The following DACH2 variants were observed in gnomAD, a reference collection of about 807,000 sequenced individuals.
DACH2 encodes the protein dachshund family transcription factor 2, also known as dachshund homolog 2.
In DACH2, 17 loss-of-function variants were observed where a neutral mutation model predicts 35.8. The ratio of observed to expected loss-of-function variants is 0.48; its 90% CI spans 0.33 to 0.71. DACH2 has a LOEUF of 0.71. DACH2 is among the 30% of genes least tolerant of loss of function. The pLI is 0.02. For missense variants in DACH2, 469 were observed against 472.7 expected, an observed-to-expected ratio of 0.99 and a Z score of 0.07; for synonymous variants, 195 against 177.3, an observed-to-expected ratio of 1.10 and a Z score of -0.79.
intron 3 of DACH2, among the ~76,000 whole-genome samples, chrX:86,650,710 T>C (rs2040468247): frequency 9.0e-6 from 1 of 111,545 alleles, no homozygotes; most frequent in Non-Finnish European, 1.9e-5. Context: ...CAGATATATA[T>C]TTAATATATA....
At chrX:86,208,508 T>C (rs2032370057) in intron 1 of DACH2, among the ~76,000 whole-genome samples, 1 of 111,887 alleles carries the variant, frequency 8.9e-6, no homozygotes, top group South Asian at 3.7e-4. Context: ...ACTTTCCTTT[T>C]TCAAGATTCC....
intron 2 of DACH2, among the ~76,000 whole-genome samples, chrX:86,440,826 C>T (rs182686799): frequency 1.8e-5 from 2 of 111,231 alleles, no homozygotes; most frequent in Admixed American, 9.6e-5. Flanking sequence ...GTTGTGAGAA[C>T]ATTAAAAATC....
intron 1 of DACH2, among the ~76,000 whole-genome samples, chrX:86,324,600 AT>A (rs1210913530): frequency 3.4e-5 from 2 of 58,594 alleles, no homozygotes; most frequent in Non-Finnish European, 5.7e-5. Context: ...TTTTTTTGAG[AT>A]GGCGTCTCAC....
chrX:86,182,796 T>G (rs1278293489), intron 1 of DACH2, among the ~76,000 whole-genome samples: 1 of 25,538 alleles, frequency 3.9e-5, no homozygotes, highest in Non-Finnish European at 6.8e-5. Context: ...TATTGATACT[T>G]TCTATCCATG....
At chrX:86,614,130 A>G (rs2148371743) in intron 3 of DACH2, among the ~76,000 whole-genome samples, 1 of 111,866 alleles carries the variant, frequency 8.9e-6, no homozygotes, top group East Asian at 2.8e-4. Flanking sequence ...TGAAGAAAAC[A>G]TTTTCTTTAT....
At chrX:86,595,022 T>G (rs2039694955) in intron 3 of DACH2, among the ~76,000 whole-genome samples, 1 of 111,993 alleles carries the variant, frequency 8.9e-6, no homozygotes, top group African/African-American at 3.2e-5. Flanking sequence ...TATCATTTTT[T>G]AATTCCCTTC....
intron 7 of DACH2, among the ~76,000 whole-genome samples, chrX:86,805,622 T>C: frequency 9.0e-6 from 1 of 111,648 alleles, no homozygotes; most frequent in East Asian, 2.8e-4. Flanking sequence ...CCTGCTCCCC[T>C]TTTAAACATA....
chrX:86,444,362 C>G (rs1332514240), intron 2 of DACH2, among the ~76,000 whole-genome samples: 1 of 111,843 alleles, frequency 8.9e-6, no homozygotes. Flanking sequence ...TAGTCTAGGA[C>G]TACAGGCTTG....
intron 1 of DACH2, among the ~76,000 whole-genome samples, chrX:86,275,682 C>A (rs777997589): frequency 4.5e-5 from 5 of 111,360 alleles, no homozygotes; most frequent in Non-Finnish European, 7.5e-5. Flanking sequence ...ATTAACTGTC[C>A]CCACCTCCCC....
intron 4 of DACH2, among the ~76,000 whole-genome samples, chrX:86,676,805 T>G (rs1602775226): frequency 8.9e-6 from 1 of 111,736 alleles, no homozygotes; most frequent in East Asian, 2.8e-4. Context: ...TTGTTGGTTT[T>G]GTGAGCGAAA....
chrX:86,482,159 C>T (rs1260256664), intron 2 of DACH2, among the ~76,000 whole-genome samples: 1 of 111,495 alleles, frequency 9.0e-6, no homozygotes, highest in African/African-American at 3.3e-5. Context: ...CAAATATTCT[C>T]ACCACAAAAA....
intron 6 of DACH2, among the ~76,000 whole-genome samples, chrX:86,727,308 T>C (rs1481003364): frequency 9.0e-6 from 1 of 111,560 alleles, no homozygotes; most frequent in Non-Finnish European, 1.9e-5. Context: ...ATATGCAAAA[T>C]TTGAAAGATG....
chrX:86,307,226 C>A lies in DACH2; in HGVS notation c.489-69598C>A, dbSNP rs1394808482. Among the ~76,000 whole-genome samples, 3 of 111,821 alleles carry A rather than the reference C, an allele frequency of 2.7e-5. No homozygotes were observed. The East Asian group carries it at 8.5e-4, about 32-fold the overall frequency. ...CTGGCTTCAGAAGCAGATACTGAGC[C>A]TCAAATCTGCTAAGATTGCCCTGAG... On this transcript the variant is annotated intron_variant, in intron 1 of 11. Transcript: ENST00000373125.
At chrX:86,432,620 A>G (rs2037002677) in intron 2 of DACH2, among the ~76,000 whole-genome samples, 1 of 112,015 alleles carries the variant, frequency 8.9e-6, no homozygotes, top group Non-Finnish European at 1.9e-5. Context: ...CTTACATGTG[A>G]CACTATGCAT....
At chrX:86,557,422 C>T (rs911922565) in intron 3 of DACH2, among the ~76,000 whole-genome samples, 11 of 106,761 alleles carry the variant, frequency 1.0e-4, no homozygotes, top group East Asian at 3.0e-4. Flanking sequence ...CTTGGCGATG[C>T]GGGCTCTTTT....
intron 4 of DACH2, among the ~76,000 whole-genome samples, chrX:86,655,750 A>T (rs1003130771): frequency 4.5e-5 from 5 of 111,545 alleles, no homozygotes; most frequent in Non-Finnish European, 9.4e-5. Context: ...GAATCAATAT[A>T]TAAATGACTA....
At chrX:86,332,635 G>A (rs1453523915) in intron 1 of DACH2, among the ~76,000 whole-genome samples, 1 of 111,014 alleles carries the variant, frequency 9.0e-6, no homozygotes, top group African/African-American at 3.3e-5. Context: ...TAAAGCACAG[G>A]GACCTGAAAA....
intron 2 of DACH2, among the ~76,000 whole-genome samples, chrX:86,453,054 C>T (rs2037409143): frequency 1.8e-5 from 2 of 111,585 alleles, no homozygotes; most frequent in South Asian, 7.4e-4. Flanking sequence ...TTCTTGATTT[C>T]TGCCTTAATT....
chrX:86,212,224 C>T (rs1479481833), intron 1 of DACH2, among the ~76,000 whole-genome samples: 1 of 111,605 alleles, frequency 9.0e-6, no homozygotes, highest in Non-Finnish European at 1.9e-5. Context: ...GCAGTGTTTT[C>T]TGCAAAATTA....
Sources: allele counts gnomAD v4.1 joint callset (sites outside exome capture counted in the v4.1 genomes callset), GRCh38; gene constraint gnomAD v4.1.1; transcripts MANE v1.5; gene names NCBI Gene and HGNC (gene_info 2026-07-23, HGNC 2026-07-21).